PUM3: variants seen among roughly 807,000 people sequenced by gnomAD.
PUM3 encodes pumilio homolog 3.
Under a neutral mutation model 84.0 loss-of-function variants are expected in PUM3, and 91 were observed. The ratio of observed to expected loss-of-function variants is 1.08; its 90% CI spans 0.91 to 1.29. PUM3 has a LOEUF of 1.29. Among genes scored for constraint, PUM3 ranks in the 50% most tolerant of loss-of-function variants. The pLI, the probability that PUM3 is intolerant of heterozygous loss-of-function variation, is 0.00. For synonymous variants in PUM3, 321 were observed against 266.7 expected, an observed-to-expected ratio of 1.20 and a Z score of -1.98; for missense variants, 1,067 against 767.5, an observed-to-expected ratio of 1.39 and a Z score of -4.61.
intron 13 of PUM3, among the ~76,000 whole-genome samples, chr9:2,819,242 A>G (rs1563828845): frequency 6.6e-6 from 1 of 152,218 alleles, no homozygotes; most frequent in Non-Finnish European, 1.5e-5. Flanking sequence ...GTAGAATCAG[A>G]AAAAGAGACT....
chr9:2,820,201 C>CAA (rs58442595), intron 12 of PUM3, 103 bp from the exon 13 acceptor site: 275 of 150,470 alleles, frequency 1.8e-3, no homozygotes, highest in South Asian at 2.2e-3. Flanking sequence ...AGACTCCGCT[C>CAA]AAAAAAAAAA....
At chr9:2,812,461 C>T (rs998237886) in intron 13 of PUM3, 99 bp from the exon 14 acceptor site, 4 of 773,930 alleles carry the variant, frequency 5.2e-6, no homozygotes, top group Admixed American at 3.0e-5. Context: ...CTATGCTAAG[C>T]AAGGAACTGA....
intron 4 of PUM3, among the ~76,000 whole-genome samples, chr9:2,833,789 T>C (rs975837505): frequency 6.6e-6 from 1 of 152,188 alleles, no homozygotes; most frequent in Non-Finnish European, 1.5e-5. Context: ...TCAGGAAGAA[T>C]GTCAAATTTA....
intron 13 of PUM3, among the ~76,000 whole-genome samples, chr9:2,816,181 C>CA (rs1586719801): frequency 6.6e-6 from 1 of 152,282 alleles, no homozygotes; most frequent in East Asian, 1.9e-4. Flanking sequence ...GAAATGCAGA[C>CA]TACTGCATAG....
At chr9:2,835,698 G>A (rs934801130) in intron 3 of PUM3, among the ~76,000 whole-genome samples, 1 of 152,082 alleles carries the variant, frequency 6.6e-6, no homozygotes, top group Non-Finnish European at 1.5e-5. Context: ...ATAAATATTT[G>A]GGTACCCTTG....
At chr9:2,808,409 T>C (rs1821303231) in intron 16 of PUM3, among the ~76,000 whole-genome samples, 1 of 152,204 alleles carries the variant, frequency 6.6e-6, no homozygotes, top group Admixed American at 6.5e-5. Flanking sequence ...TTTACAACGC[T>C]TACATACTCA....
At chr9:2,832,136 C>A (rs748668755) in intron 5 of PUM3, among the ~76,000 whole-genome samples, 2 of 152,146 alleles carry the variant, frequency 1.3e-5, no homozygotes, top group Non-Finnish European at 2.9e-5. Flanking sequence ...ATACTTCCAT[C>A]AAAGTCATAA....
chr9:2,838,862 C>T (rs1328916585), intron 1 of PUM3, among the ~76,000 whole-genome samples: 1 of 152,070 alleles, frequency 6.6e-6, no homozygotes, highest in Non-Finnish European at 1.5e-5. Context: ...CATTTTGTAA[C>T]CTGGGAAGAC....
chr9:2,827,025 C>G (rs772075415), intron 10 of PUM3, 48 bp downstream of exon 10: 7 of 1,462,406 alleles, frequency 4.8e-6, no homozygotes, highest in Non-Finnish European at 6.6e-6. Flanking sequence ...AATTTCTACA[C>G]CGCTCCTCCT....
Position 2,804,332 on chromosome 9 carries a change from T to TA in PUM3, c.1945dup (p.Ter649LeufsTer6). 1 of 1,613,190 alleles carries TA rather than the reference T, an allele frequency of 6.2e-7. No homozygotes were observed. Among genetic ancestry groups the TA allele is most frequent in the Non-Finnish European group, 8.5e-7 (1 of 1,179,778 alleles). ...CATCTTGCTCTTAACTCTTTCCACC[T>TA]ATGTGCTCAGTTTTTCAAGTAGAAT... On this transcript the variant is annotated frameshift_variant and stop_lost, in exon 18 of 18. Coordinates refer to ENST00000397885, the MANE Select transcript of PUM3 (RefSeq NM_014878.5). LOFTEE classifies it high-confidence loss of function.
At chr9:2,840,863 T>C (rs946667091) in intron 1 of PUM3, among the ~76,000 whole-genome samples, 85 of 152,350 alleles carry the variant, frequency 5.6e-4, no homozygotes, top group African/African-American at 2.0e-3. Context: ...TCATTGAGAA[T>C]GGTATTTAAA....
At chr9:2,825,394 T>G (rs1368964245) in intron 10 of PUM3, among the ~76,000 whole-genome samples, 1 of 152,220 alleles carries the variant, frequency 6.6e-6, no homozygotes, top group Non-Finnish European at 1.5e-5. Flanking sequence ...AAAATGACCC[T>G]TTAGTAAAAA....
At chr9:2,837,950 T>C (rs1429234344) in intron 2 of PUM3, among the ~76,000 whole-genome samples, 1 of 152,192 alleles carries the variant, frequency 6.6e-6, no homozygotes. Context: ...TACAAATTAG[T>C]ACCTAACAAA....
At chr9:2,822,399 C>A (rs1214517686) in intron 12 of PUM3, among the ~76,000 whole-genome samples, 3 of 151,740 alleles carry the variant, frequency 2.0e-5, no homozygotes, top group African/African-American at 2.4e-5. Flanking sequence ...TCCAGAAACC[C>A]CCAATATTTG....
At chr9:2,843,943 G>A (rs1208504734) in intron 1 of PUM3, 102 bp downstream of exon 1, 1 of 153,472 alleles carries the variant, frequency 6.5e-6, no homozygotes, top group East Asian at 1.9e-4. Context: ...GGCCAGAGGA[G>A]ACTGCCCAGT....
chr9:2,836,635 G>T (rs1816128884), intron 3 of PUM3, among the ~76,000 whole-genome samples: 1 of 152,070 alleles, frequency 6.6e-6, no homozygotes, highest in South Asian at 2.1e-4. Context: ...GCCATCAGAG[G>T]GATTTATTGT....
rs965676477 is a variant in PUM3, at chr9:2,827,994, T to C, written c.956+681A>G. Among the ~76,000 whole-genome samples, 6 of 152,304 alleles carry C rather than the reference T, an allele frequency of 3.9e-5. No individual in the cohort carries two copies. The East Asian group carries it at 7.7e-4, about 20-fold the overall frequency. On this transcript the variant is annotated intron_variant, in intron 9 of 17. Coordinates refer to ENST00000397885, the MANE Select transcript of PUM3 (RefSeq NM_014878.5). ...CCACTCCACTACTGGACAGATGCCA[T>C]GAAGGGCACATGCACAGGCTTCCAA...
At chr9:2,814,537 G>T (rs1168475641) in intron 13 of PUM3, among the ~76,000 whole-genome samples, 1 of 152,094 alleles carries the variant, frequency 6.6e-6, no homozygotes, top group Non-Finnish European at 1.5e-5. Context: ...ATAATGAAGT[G>T]TTTAGTGCCC....
At chr9:2,810,242 A>G in intron 16 of PUM3, 102 bp downstream of exon 16, 1 of 752,488 alleles carries the variant, frequency 1.3e-6, no homozygotes, top group South Asian at 1.6e-5. Flanking sequence ...GACACTTGGC[A>G]AACTTCATTT....
Sources: allele counts gnomAD v4.1 joint callset (sites outside exome capture counted in the v4.1 genomes callset), GRCh38; gene constraint gnomAD v4.1.1; transcripts MANE v1.5; gene names NCBI Gene and HGNC (gene_info 2026-07-23, HGNC 2026-07-21).